MLLT10: variants seen among roughly 807,000 people sequenced by gnomAD.
MLLT10 encodes the protein protein AF-10.
In MLLT10, 30 loss-of-function variants were observed where a neutral mutation model predicts 129.1. The observed-to-expected ratio is 0.23, with a 90% CI of 0.17 to 0.32. The LOEUF (loss-of-function observed/expected upper bound fraction) is 0.32, where lower values mean the gene tolerates loss of function less well. Ranked by LOEUF, MLLT10 falls within the 10% of genes least tolerant of loss-of-function variation. The probability of loss-of-function intolerance (pLI) is 1.00; values close to 1 mark genes in which losing one functional copy is unlikely to be tolerated. For missense variants in MLLT10, 1,119 were observed against 1,268.3 expected, an observed-to-expected ratio of 0.88 and a Z score of 1.79; for synonymous variants, 490 against 446.4, an observed-to-expected ratio of 1.10 and a Z score of -1.23.
chr10:21,550,818 T>TA (rs1224134263), intron 3 of MLLT10, among the ~76,000 whole-genome samples: 10 of 151,688 alleles, frequency 6.6e-5, no homozygotes, highest in Non-Finnish European at 1.5e-4. Context: ...AGACGTGAGC[T>TA]ATGGCGTCCG....
chr10:21,548,951 T>C, intron 3 of MLLT10, among the ~76,000 whole-genome samples: 1 of 152,112 alleles, frequency 6.6e-6, no homozygotes. Flanking sequence ...TATTGTGTAA[T>C]TTTTGACTGC....
intron 13 of MLLT10, among the ~76,000 whole-genome samples, chr10:21,711,703 C>T (rs905050234): frequency 6.6e-6 from 1 of 152,096 alleles, no homozygotes; most frequent in Non-Finnish European, 1.5e-5. Context: ...TATGATTGCA[C>T]CACGGCACTC....
At chr10:21,713,358 C>T (rs1388890643) in intron 13 of MLLT10, among the ~76,000 whole-genome samples, 1 of 152,230 alleles carries the variant, frequency 6.6e-6, no homozygotes. Flanking sequence ...TCTCTTCCTA[C>T]TTCAGACTTC....
chr10:21,579,422 C>T (rs2041133828), intron 3 of MLLT10, among the ~76,000 whole-genome samples: 1 of 146,442 alleles, frequency 6.8e-6, no homozygotes, highest in African/African-American at 2.5e-5. Context: ...TTCTTTCCTG[C>T]CTCATATTCT....
intron 4 of MLLT10, among the ~76,000 whole-genome samples, chr10:21,590,833 T>A (rs115220637): frequency 0.046 from 6,957 of 152,206 alleles, 529 homozygotes; most frequent in African/African-American, 0.16. Context: ...TTAATTTTTT[T>A]TGCCATCTCC....
chr10:21,582,885 A>G (rs970959089), intron 3 of MLLT10, among the ~76,000 whole-genome samples: 3 of 152,162 alleles, frequency 2.0e-5, no homozygotes, highest in Admixed American at 6.6e-5. Flanking sequence ...TCAAGTGTCT[A>G]TGTAGGCTGG....
chr10:21,619,541 G>A (rs1231317615), intron 8 of MLLT10, among the ~76,000 whole-genome samples: 1 of 152,098 alleles, frequency 6.6e-6, no homozygotes, highest in Non-Finnish European at 1.5e-5. Context: ...AATTTTTTGT[G>A]GTGGTTGAGT....
At chr10:21,597,775 C>T (rs528549524) in intron 5 of MLLT10, among the ~76,000 whole-genome samples, 175 of 152,270 alleles carry the variant, frequency 1.1e-3, no homozygotes, top group African/African-American at 3.6e-3. Flanking sequence ...TAGAGTGACC[C>T]CCTATTTGGA....
chr10:21,701,992 T>C (rs2054973826), intron 13 of MLLT10, among the ~76,000 whole-genome samples: 1 of 152,058 alleles, frequency 6.6e-6, no homozygotes, highest in South Asian at 2.1e-4. Context: ...AGTGGCTTGA[T>C]CTCAGCTCAT....
At position 21,545,827 on chromosome 10, in the gene MLLT10, C is replaced by T. The variant is rs957415407; in HGVS notation, c.240+6915C>T. 9.2e-5 allele frequency among the ~76,000 whole-genome samples: 14 copies of T among 152,146 alleles called. No homozygotes were observed. In the East Asian group the frequency reaches 1.5e-3, roughly 17 times the overall value. ...GACTATAGGTGCATACCACTATGTC[C>T]GGCTAATTTTAAAATTTTTGGTAAA... On this transcript the variant is annotated intron_variant, in intron 3 of 22. Transcript: ENST00000307729.
chr10:21,695,129 G>A (rs534867549), intron 13 of MLLT10, among the ~76,000 whole-genome samples: 25 of 144,554 alleles, frequency 1.7e-4, no homozygotes, highest in African/African-American at 6.4e-4. Context: ...GAGTGCAGTG[G>A]TCTGATCTTG....
intron 11 of MLLT10, among the ~76,000 whole-genome samples, chr10:21,676,720 C>CAAA (rs56000691): frequency 0.044 from 1,412 of 32,002 alleles, 520 homozygotes; most frequent in East Asian, 0.16. Context: ...GACTCCATCT[C>CAAA]AAAAAAAAAA....
chr10:21,621,541 A>G (rs1031628508), intron 8 of MLLT10, among the ~76,000 whole-genome samples: 6 of 152,072 alleles, frequency 3.9e-5, no homozygotes, highest in African/African-American at 1.4e-4. Context: ...TACCGCGCCC[A>G]GCCAAGAATT....
intron 3 of MLLT10, among the ~76,000 whole-genome samples, chr10:21,565,670 A>G (rs546874913): frequency 3.3e-5 from 5 of 150,422 alleles, no homozygotes; most frequent in African/African-American, 7.3e-5. Context: ...CAGTGGCACA[A>G]TCATGGTTTA....
At chr10:21,732,317 G>A (rs1049115384) in intron 17 of MLLT10, among the ~76,000 whole-genome samples, 10 of 152,180 alleles carry the variant, frequency 6.6e-5, no homozygotes, top group Admixed American at 4.6e-4. Context: ...CAGGGGATGC[G>A]CCTTTCTCCA....
intron 4 of MLLT10, among the ~76,000 whole-genome samples, chr10:21,592,952 T>A (rs117376989): frequency 0.016 from 2,392 of 152,332 alleles, 33 homozygotes; most frequent in Middle Eastern, 0.027. Flanking sequence ...GTGTTAGATC[T>A]GCCTGCCTAT....
chr10:21,601,485 CT>C (rs2043527885), intron 5 of MLLT10, among the ~76,000 whole-genome samples: 1 of 152,198 alleles, frequency 6.6e-6, no homozygotes, highest in South Asian at 2.1e-4. Context: ...AATCTGTAAT[CT>C]CACTCACCAA....
Position 21,709,051 on chromosome 10 carries a change from A to G in MLLT10, c.1700-4721A>G, listed in dbSNP as rs12251274. Among the ~76,000 whole-genome samples the G allele has an allele frequency of 6.4e-3, 973 of 152,312 alleles. 17 individuals carry two copies. The highest frequency in any genetic ancestry group is 0.022 in the African/African-American group (912 of 41,568). On this transcript the variant is annotated intron_variant, in intron 13 of 22. Transcript: ENST00000307729. The stretch of plus-strand genomic sequence containing the variant: ...TCAGAAGGGTTAAGTAGTTTGATTA[A>G]GGGTCATGTAGGTGACAGATCCAGC...
chr10:21,555,536 G>A lies in MLLT10; in HGVS notation c.240+16624G>A, dbSNP rs144758601. Reference sequence around the variant, plus strand: ...CAATGCCTGGCTGATACTTTAATTGGAGGTTTTTGTTTTGTTTCAGTTACG... The same window carrying A: ...CAATGCCTGGCTGATACTTTAATTGAAGGTTTTTGTTTTGTTTCAGTTACG... On this transcript the variant is annotated intron_variant, in intron 3 of 22. Transcript: ENST00000307729. Among the ~76,000 whole-genome samples the A allele has an allele frequency of 6.6e-5, 10 of 152,146 alleles. No individual in the cohort carries two copies. The East Asian group carries it at 1.9e-3, about 29-fold the overall frequency.
Sources: allele counts gnomAD v4.1 joint callset (sites outside exome capture counted in the v4.1 genomes callset), GRCh38; gene constraint gnomAD v4.1.1; transcripts MANE v1.5; gene names NCBI Gene and HGNC (gene_info 2026-07-23, HGNC 2026-07-21).